Variants in PRPF4 observed in about 807,000 individuals in gnomAD.
PRPF4 encodes U4/U6 small nuclear ribonucleoprotein Prp4.
A neutral mutation model predicts 72.2 loss-of-function variants in PRPF4; 14 were observed. That is an observed-to-expected ratio of 0.19 (90% CI 0.13 to 0.30). The LOEUF (loss-of-function observed/expected upper bound fraction) is 0.30, where lower values mean the gene tolerates loss of function less well. Ranked by LOEUF, PRPF4 falls within the 10% of genes least tolerant of loss-of-function variation. The pLI, the probability that PRPF4 is intolerant of heterozygous loss-of-function variation, is 1.00. For synonymous variants in PRPF4, 225 were observed against 232.2 expected, an observed-to-expected ratio of 0.97 and a Z score of 0.28; for missense variants, 478 against 653.9, an observed-to-expected ratio of 0.73 and a Z score of 2.93.
chr9:113,288,283 G>A lies in PRPF4; in HGVS notation c.1022+19G>A. 1.2e-6 allele frequency: 2 copies of A among 1,610,766 alleles called. No individual in the cohort carries two copies. The highest frequency in any genetic ancestry group is 1.7e-6 in the Non-Finnish European group (2 of 1,177,170). ...CCACCTGGTGAGCCATCCTGTTATT[G>A]TTTTATCCATATAGGCCTGTAGCAT... On this transcript the variant is annotated intron_variant, in intron 10 of 13. Coordinates refer to ENST00000374198, the MANE Select transcript of PRPF4 (RefSeq NM_001244926.2).
intron 3 of PRPF4, 73 bp downstream of exon 3, chr9:113,279,204 T>C: frequency 7.5e-7 from 1 of 1,332,272 alleles, no homozygotes; most frequent in Non-Finnish European, 1.0e-6. Context: ...TGGTTGATCA[T>C]TTAGTTGAAC....
At chr9:113,279,430 C>G (rs930282326) in intron 3 of PRPF4, among the ~76,000 whole-genome samples, 14 of 152,136 alleles carry the variant, frequency 9.2e-5, no homozygotes, top group Non-Finnish European at 5.9e-5. Flanking sequence ...GCGTCGTGAT[C>G]TCGGCTCACT....
chr9:113,279,231 A>T (rs187133270), intron 3 of PRPF4, 100 bp downstream of exon 3: 80 of 1,085,848 alleles, frequency 7.4e-5, no homozygotes, highest in Non-Finnish European at 9.4e-5. Context: ...AGAATGTCTC[A>T]AATCATGTTA....
intron 3 of PRPF4, among the ~76,000 whole-genome samples, chr9:113,281,211 C>T (rs1443588922): frequency 6.6e-6 from 1 of 152,266 alleles, no homozygotes; most frequent in South Asian, 2.1e-4. Flanking sequence ...CTTATTCTTT[C>T]GTTTCAGCAT....
At chr9:113,280,594 G>T (rs1203373888) in intron 3 of PRPF4, among the ~76,000 whole-genome samples, 1 of 152,136 alleles carries the variant, frequency 6.6e-6, no homozygotes, top group Non-Finnish European at 1.5e-5. Flanking sequence ...TTTCAAATCT[G>T]CACTGTTGTG....
At chr9:113,281,064 T>A (rs1832265934) in intron 3 of PRPF4, among the ~76,000 whole-genome samples, 1 of 152,078 alleles carries the variant, frequency 6.6e-6, no homozygotes, top group Admixed American at 6.5e-5. Flanking sequence ...GTTGAACACC[T>A]CCTCAAGTGA....
chr9:113,287,902 A>C (rs975372910), intron 9 of PRPF4, among the ~76,000 whole-genome samples: 1 of 152,242 alleles, frequency 6.6e-6, no homozygotes, highest in Non-Finnish European at 1.5e-5. Context: ...AACAGGCCTA[A>C]ATTTGAAAAA....
chr9:113,282,879 G>A (rs1171461530), intron 4 of PRPF4, 146 bp downstream of exon 4: 9 of 973,016 alleles, frequency 9.2e-6, no homozygotes, highest in Non-Finnish European at 1.4e-5. Context: ...GTTGCTGGCA[G>A]TAGTTTTGGT....
intron 7 of PRPF4, among the ~76,000 whole-genome samples, chr9:113,285,856 C>T (rs1255051977): frequency 6.6e-6 from 1 of 151,578 alleles, no homozygotes; most frequent in Non-Finnish European, 1.5e-5. Context: ...CAGAGTGACA[C>T]TGTTTCTCAA....
intron 2 of PRPF4, among the ~76,000 whole-genome samples, chr9:113,278,599 T>A (rs1832184037): frequency 6.6e-6 from 1 of 152,268 alleles, no homozygotes; most frequent in Non-Finnish European, 1.5e-5. Flanking sequence ...TGGCTGTTGT[T>A]ACAATAATGT....
rs1239226936 is a variant in PRPF4 at position 113,276,850 on chromosome 9, C to T, written c.205+125C>T. ...TTTTTTTTTTAAACAGAGTCTCGCTCTGTCGCCAGGCTGGAGTGCAGTGGT... is the reference window on the plus strand; with the variant it reads ...TTTTTTTTTTAAACAGAGTCTCGCTTTGTCGCCAGGCTGGAGTGCAGTGGT... On this transcript the variant is annotated intron_variant, in intron 2 of 13. Coordinates refer to ENST00000374198, the MANE Select transcript of PRPF4 (RefSeq NM_001244926.2). 5 of 1,118,414 alleles carry T rather than the reference C, an allele frequency of 4.5e-6. No homozygotes were observed. In the African/African-American group the frequency reaches 4.7e-5, roughly 11 times the overall value. The allele number at this position is 1,118,414 out of a possible 1,614,324, so 69.3% of individuals were successfully genotyped here. A position where few individuals can be genotyped will look rare whatever the true frequency, so the allele number is the denominator to read the frequency against.
At chr9:113,276,754 AC>A (rs1235429312) in intron 2 of PRPF4, 29 bp downstream of exon 2, 1 of 1,580,806 alleles carries the variant, frequency 6.3e-7, no homozygotes, top group South Asian at 1.2e-5. Context: ...GCCCATCTTT[AC>A]CTCTTTGTGT....
At chr9:113,286,644 A>G in intron 8 of PRPF4, 61 bp from the exon 9 acceptor site, 2 of 1,593,732 alleles carry the variant, frequency 1.3e-6, no homozygotes, top group Non-Finnish European at 8.6e-7. Flanking sequence ...GTTCCCTAGT[A>G]TATAACATGG....
rs746262209 is a variant in PRPF4 at position 113,290,994 on chromosome 9, A to T, written c.1350A>T (p.Leu450Phe). The T allele has an allele frequency of 1.2e-6, 2 of 1,614,036 alleles. No homozygotes were observed. The highest frequency in any genetic ancestry group is 3.3e-5 in the Admixed American group (2 of 60,022). ...CVYTIPAHQN[L>F]VTGVKFEPIH... ...ACACCATCCCTGCTCATCAGAACTT[A>T]GTGACTGGTGTCAAGTTTGAGCGTA... The change falls in exon 13 of 14, where the codon TTA becomes TTT. Residue 450 changes from leucine (L) to phenylalanine (F), a missense_variant. Transcript: ENST00000374198.
chr9:113,288,428 A>G (rs942082818), intron 10 of PRPF4, among the ~76,000 whole-genome samples, 164 bp downstream of exon 10: 8 of 146,668 alleles, frequency 5.5e-5, no homozygotes, highest in African/African-American at 1.7e-4. Flanking sequence ...AGTGAGAGCT[A>G]AGTATATTTG....
rs1832614015 is a variant in PRPF4 at position 113,291,724 on chromosome 9, A to G, written c.*64A>G. 1 of 1,483,736 alleles carries G rather than the reference A, an allele frequency of 6.7e-7. No homozygotes were observed. The highest frequency in any genetic ancestry group is 1.2e-5 in the South Asian group (1 of 83,256). The allele number at this position is 1,483,736 out of a possible 1,614,324, so 91.9% of individuals were successfully genotyped here. The stretch of plus-strand genomic sequence containing the variant: ...TAAGGAGCTGTTTTCCTCAAACGAG[A>G]AGAATTGAAGTGTTTAGTTCTATCA... On this transcript the variant is annotated 3_prime_UTR_variant, in exon 14 of 14. Transcript: ENST00000374198.
At chr9:113,290,840 A>T (rs750354059) in intron 12 of PRPF4, 33 bp downstream of exon 12, 3 of 1,611,122 alleles carry the variant, frequency 1.9e-6, no homozygotes, top group Admixed American at 3.3e-5. Flanking sequence ...GGGGCGAAAA[A>T]GGGTTCTGGG....
chr9:113,276,952 T>C (rs746978106), intron 2 of PRPF4, among the ~76,000 whole-genome samples: 1 of 151,922 alleles, frequency 6.6e-6, no homozygotes, highest in Admixed American at 6.6e-5. Context: ...GTAGCTGGGA[T>C]TACAGGCGCA....
At chr9:113,280,411 G>C (rs1166894249) in intron 3 of PRPF4, among the ~76,000 whole-genome samples, 1 of 152,080 alleles carries the variant, frequency 6.6e-6, no homozygotes, top group Non-Finnish European at 1.5e-5. Context: ...GTATCCCACA[G>C]GTACTTCAAA....
Sources: allele counts gnomAD v4.1 joint callset (sites outside exome capture counted in the v4.1 genomes callset), GRCh38; gene constraint gnomAD v4.1.1; transcripts MANE v1.5; gene names NCBI Gene and HGNC (gene_info 2026-07-23, HGNC 2026-07-21).